MAPK10: variants seen among roughly 807,000 people sequenced by gnomAD.
The protein encoded by MAPK10 is mitogen-activated protein kinase 10.
In MAPK10, 25 loss-of-function variants were observed where a neutral mutation model predicts 59.3. The observed-to-expected ratio is 0.42, with a 90% CI of 0.31 to 0.59. The LOEUF (loss-of-function observed/expected upper bound fraction) is 0.59, where lower values mean the gene tolerates loss of function less well. Among genes scored for constraint, MAPK10 ranks in the 20% least tolerant of loss-of-function variants. The probability of loss-of-function intolerance (pLI) is 0.15; values close to 1 mark genes in which losing one functional copy is unlikely to be tolerated. For synonymous variants in MAPK10, 190 were observed against 200.5 expected, an observed-to-expected ratio of 0.95 and a Z score of 0.44; for missense variants, 351 against 568.9, an observed-to-expected ratio of 0.62 and a Z score of 3.90.
At position 86,354,578 on chromosome 4, in the gene MAPK10, G is replaced by T. The variant is rs886059677; in HGVS notation, c.-55C>A. 10 of 1,231,378 alleles carry T rather than the reference G, an allele frequency of 8.1e-6. No homozygotes were observed. Among genetic ancestry groups the T allele is most frequent in the Non-Finnish European group, 9.1e-6 (9 of 987,464 alleles). The allele number at this position is 1,231,378 out of a possible 1,614,324, so 76.3% of individuals were successfully genotyped here. ...TATAGGAAACGGGTCTAATTCAACA[G>T]TTTCTTGCATAAGTTGCCATAGTGA... On this transcript the variant is annotated 5_prime_UTR_variant, in exon 2 of 14. It adds an upstream start codon to the 5' untranslated region. Transcript: ENST00000641462.
chr4:86,076,022 A>T (rs1265378461), intron 9 of MAPK10, among the ~76,000 whole-genome samples: 1 of 151,604 alleles, frequency 6.6e-6, no homozygotes, highest in Non-Finnish European at 1.5e-5. Context: ...TTGATCTCAG[A>T]CTGCTGTGCT....
chr4:86,551,288 G>A (rs1446912498), intron 1 of MAPK10, among the ~76,000 whole-genome samples: 1 of 152,160 alleles, frequency 6.6e-6, no homozygotes, highest in African/African-American at 2.4e-5. Flanking sequence ...ATGCAGTAAT[G>A]TCAAGTTTTA....
At chr4:86,325,549 GT>G (rs1290931613) in intron 2 of MAPK10, among the ~76,000 whole-genome samples, 4 of 152,106 alleles carry the variant, frequency 2.6e-5, no homozygotes, top group Non-Finnish European at 4.4e-5. Context: ...ATTTATGAGT[GT>G]TAATTATAAA....
At chr4:86,395,581 G>T (rs1742800052) in intron 1 of MAPK10, among the ~76,000 whole-genome samples, 1 of 152,206 alleles carries the variant, frequency 6.6e-6, no homozygotes, top group South Asian at 2.1e-4. Flanking sequence ...GTGAGGAGAG[G>T]TTGCCAGGGG....
rs1287761688 is a variant in MAPK10, at chr4:86,055,525, C to CA, written c.1110+8740dup. ...GAAATCCAAAGTAATAAGCATGTTT[C>CA]AAAAAAAATCTAAACAAGTAAAAAT... On this transcript the variant is annotated intron_variant, in intron 11 of 13. Transcript: ENST00000641462. 3.4e-5 allele frequency among the ~76,000 whole-genome samples: 5 copies of CA among 149,042 alleles called. No individual in the cohort carries two copies. The East Asian group carries it at 7.8e-4, about 23-fold the overall frequency.
chr4:86,071,482 A>C (rs2047950797), intron 9 of MAPK10, among the ~76,000 whole-genome samples: 1 of 143,626 alleles, frequency 7.0e-6, no homozygotes, highest in African/African-American at 2.7e-5. Flanking sequence ...CTATGTCCTG[A>C]ATGGTAATGC....
At chr4:86,365,052 A>G (rs1407494937), upstream of MAPK10, among the ~76,000 whole-genome samples, 1 of 152,196 alleles carries the variant, frequency 6.6e-6, no homozygotes, top group Non-Finnish European at 1.5e-5. Flanking sequence ...CACTGTTTAT[A>G]TGTATTCATA....
chr4:86,532,524 G>C (rs1025247640), intron 1 of MAPK10, among the ~76,000 whole-genome samples: 1 of 152,134 alleles, frequency 6.6e-6, no homozygotes, highest in South Asian at 2.1e-4. Context: ...TCCAGCTATC[G>C]GTCCTAACGC....
At position 86,549,669 on chromosome 4, in the gene MAPK10, T is replaced by C. The variant is rs143544215; in HGVS notation, c.-263+44241A>G. Among the ~76,000 whole-genome samples, 511 of 152,218 alleles carry C rather than the reference T, an allele frequency of 3.4e-3. 1 individual carries two copies. The highest frequency in any genetic ancestry group is 0.012 in the African/African-American group (494 of 41,540). ...TGAAACAAAATAATTTCCCTAGATA[T>C]ACTTTCCTATTAATGAAGAGCATGT... is the stretch of plus-strand genomic sequence containing the variant. On this transcript the variant is annotated intron_variant, in intron 1 of 4. Coordinates refer to the MAPK10 transcript ENST00000502302.
At chr4:86,413,224 C>A (rs1385574715) in intron 1 of MAPK10, among the ~76,000 whole-genome samples, 4 of 152,144 alleles carry the variant, frequency 2.6e-5, no homozygotes, top group Non-Finnish European at 1.5e-5. Context: ...GCCTGAGTAT[C>A]ACCAGCAGAG....
At chr4:86,118,903 C>T (rs1249021871) in intron 4 of MAPK10, among the ~76,000 whole-genome samples, 1 of 152,178 alleles carries the variant, frequency 6.6e-6, no homozygotes, top group Non-Finnish European at 1.5e-5. Flanking sequence ...AAATTCACTT[C>T]TGCCTTAGGA....
chr4:86,593,173 T>C (rs555080248), intron 1 of MAPK10, among the ~76,000 whole-genome samples: 1 of 152,350 alleles, frequency 6.6e-6, no homozygotes, highest in African/African-American at 2.4e-5. Flanking sequence ...CATACATGTA[T>C]GGCAGCCTCA....
At chr4:86,074,785 C>T (rs1044919886) in intron 9 of MAPK10, among the ~76,000 whole-genome samples, 2 of 128,362 alleles carry the variant, frequency 1.6e-5, no homozygotes, top group African/African-American at 6.4e-5. Flanking sequence ...ATGGGCTTCC[C>T]TTTGAGGGTA....
intron 1 of MAPK10, among the ~76,000 whole-genome samples, chr4:86,428,180 G>A (rs952189527): frequency 1.3e-5 from 2 of 150,050 alleles, no homozygotes; most frequent in East Asian, 3.9e-4. Flanking sequence ...TTGCTCTGTC[G>A]CCCAGGCTGG....
chr4:86,104,943 A>G (rs1018983689), intron 5 of MAPK10, among the ~76,000 whole-genome samples: 1 of 152,096 alleles, frequency 6.6e-6, no homozygotes, highest in Admixed American at 6.6e-5. Flanking sequence ...TCACAGCTAT[A>G]AAATTTCCAT....
At chr4:86,394,354 A>G (rs59059054) in intron 1 of MAPK10, among the ~76,000 whole-genome samples, 74,098 of 151,960 alleles carry the variant, frequency 0.49, 18,079 homozygotes, top group Admixed American at 0.52. Context: ...GTCATACTTG[A>G]CTTACCAATA....
intron 2 of MAPK10, among the ~76,000 whole-genome samples, chr4:86,350,174 C>G (rs1730472905): frequency 6.6e-6 from 1 of 152,028 alleles, no homozygotes; most frequent in African/African-American, 2.4e-5. Context: ...GCCTCAGCCT[C>G]CTGAGTAGCT....
intron 1 of MAPK10, among the ~76,000 whole-genome samples, chr4:86,390,617 G>A (rs1242805288): frequency 6.6e-6 from 1 of 152,178 alleles, no homozygotes; most frequent in Non-Finnish European, 1.5e-5. Flanking sequence ...CAAGATAGAG[G>A]TGCCTATGTT....
chr4:86,342,868 T>A (rs1725813093), intron 2 of MAPK10, among the ~76,000 whole-genome samples: 1 of 152,160 alleles, frequency 6.6e-6, no homozygotes, highest in Non-Finnish European at 1.5e-5. Context: ...CTGCCTCTCT[T>A]ACCTCTCTTC....
Sources: gnomAD v4.1 joint callset for allele counts (sites outside exome capture counted in the v4.1 genomes callset) on GRCh38, gnomAD v4.1.1 for gene constraint, MANE v1.5 for transcripts, NCBI Gene and HGNC (gene_info 2026-07-23, HGNC 2026-07-21) for gene names.